The following SLC6A7 variants were observed in gnomAD, a reference collection of about 807,000 sequenced individuals.
SLC6A7 encodes the protein sodium-dependent proline transporter.
A neutral mutation model predicts 73.1 loss-of-function variants in SLC6A7; 58 were observed. The ratio of observed to expected loss-of-function variants is 0.79; its 90% CI spans 0.64 to 0.99. The LOEUF is 0.99. Ranked by LOEUF, SLC6A7 falls within the 50% of genes least tolerant of loss-of-function variation. The pLI, the probability that SLC6A7 is intolerant of heterozygous loss-of-function variation, is 0.00. For missense variants in SLC6A7, 783 were observed against 831.4 expected, an observed-to-expected ratio of 0.94 and a Z score of 0.72; for synonymous variants, 338 against 338.7, an observed-to-expected ratio of 1.00 and a Z score of 0.02.
intron 10 of SLC6A7, 42 bp downstream of exon 10, chr5:150,204,080 G>C: frequency 6.3e-7 from 1 of 1,583,418 alleles, no homozygotes; most frequent in Non-Finnish European, 8.6e-7. Context: ...GGCGGGACAA[G>C]GGCAGACGCC....
chr5:150,200,488 G>A (rs565421784), intron 5 of SLC6A7, among the ~76,000 whole-genome samples: 36 of 152,136 alleles, frequency 2.4e-4, no homozygotes, highest in Non-Finnish European at 4.0e-4. Flanking sequence ...GTGAGACTCC[G>A]TCTCAAAAAA....
intron 6 of SLC6A7, among the ~76,000 whole-genome samples, chr5:150,201,916 G>A (rs886455516): frequency 1.3e-5 from 2 of 152,166 alleles, no homozygotes; most frequent in Non-Finnish European, 1.5e-5. Flanking sequence ...GGGATCCTGC[G>A]GTCCAGAGGG....
chr5:150,204,083 C>T, intron 10 of SLC6A7, 45 bp downstream of exon 10: 1 of 1,574,330 alleles, frequency 6.4e-7, no homozygotes, highest in Non-Finnish European at 8.6e-7. Context: ...GGGACAAGGG[C>T]AGACGCCTGC....
Position 150,201,142 on chromosome 5 carries a change from C to G in SLC6A7, c.777C>G (p.Val259=). The G allele has an allele frequency of 2.5e-6, 4 of 1,613,802 alleles. No individual in the cohort carries two copies. Among genetic ancestry groups the G allele is most frequent in the Non-Finnish European group, 3.4e-6 (4 of 1,179,808 alleles). Residue 259 remains valine (V), a synonymous_variant, in exon 6 of 14, where the codon GTC becomes GTG. Transcript: ENST00000230671. The part of the protein sequence containing the change: ...FPYLILLMLL[V]RGVTLPGAWK... The stretch of plus-strand genomic sequence containing the variant: ...ACCTCATCCTGCTCATGCTGCTGGT[C>G]CGCGGAGTCACCCTCCCAGGGGCCT...
chr5:150,192,968 G>A (rs1048681844), intron 1 of SLC6A7, among the ~76,000 whole-genome samples: 1 of 152,186 alleles, frequency 6.6e-6, no homozygotes, highest in Non-Finnish European at 1.5e-5. Flanking sequence ...CCCAGCTGGA[G>A]AGGCAGCCTC....
chr5:150,209,498 C>T lies in SLC6A7; in HGVS notation c.1794C>T (p.Ser598=). The T allele has an allele frequency of 3.7e-6, 6 of 1,614,140 alleles. No individual in the cohort carries two copies. Among genetic ancestry groups the T allele is most frequent in the Non-Finnish European group, 4.2e-6 (5 of 1,179,992 alleles). Residue 598 remains serine (S), a synonymous_variant, in exon 14 of 14, where the codon AGC becomes AGT. Coordinates refer to ENST00000230671, the MANE Select transcript of SLC6A7 (RefSeq NM_014228.5). ...TGTATGTGGCCACGCTGGCTGGGAG[C>T]CAGTCACCAAAGCCACTGATGGTGC... ...TGMYVATLAG[S]QSPKPLMVHM... is the part of the protein sequence containing the mutation.
In SLC6A7 at chr5:150,204,914, C is replaced by T. The variant is rs2113986133; in HGVS notation, c.1520C>T (p.Pro507Leu). 1 of 1,558,022 alleles carries T rather than the reference C, an allele frequency of 6.4e-7. No homozygotes were observed. Among genetic ancestry groups the T allele is most frequent in the South Asian group, 1.1e-5 (1 of 89,922 alleles). ...YFRACWLFLS[P>L]ATLLALMVYS... ...AGGGCCTGCTGGCTGTTCCTGTCCCCAGCCACGCTCTTGGTAACTGGGGAG... is the reference window on the plus strand; with the variant it reads ...AGGGCCTGCTGGCTGTTCCTGTCCCTAGCCACGCTCTTGGTAACTGGGGAG... Residue 507 changes from proline to leucine, a missense_variant, in exon 12 of 14, where the codon CCA becomes CTA. By Grantham distance (98) the Pro-to-Leu change is moderately conservative. Transcript: ENST00000230671.
intron 13 of SLC6A7, among the ~76,000 whole-genome samples, chr5:150,207,230 G>C (rs928207512): frequency 6.6e-6 from 1 of 151,996 alleles, no homozygotes; most frequent in Non-Finnish European, 1.5e-5. Flanking sequence ...AGTAAGCATA[G>C]TATCCAATAG....
intron 11 of SLC6A7, 82 bp from the exon 12 acceptor site, chr5:150,204,743 TGG>T: frequency 7.6e-7 from 1 of 1,318,874 alleles, no homozygotes; most frequent in Non-Finnish European, 1.1e-6. Context: ...GGGTTTCCAG[TGG>T]GGGCAGCTGG....
chr5:150,197,142 C>T lies in SLC6A7; in HGVS notation c.450C>T (p.Ser150=), dbSNP rs536871384. The T allele has an allele frequency of 4.3e-5, 69 of 1,614,060 alleles. 1 individual carries two copies. The highest frequency in any genetic ancestry group is 2.3e-4 in the African/African-American group (17 of 75,060). The change falls in exon 4 of 14, where the codon AGC becomes AGT. Residue 150 remains serine (S), a synonymous_variant. Transcript: ENST00000230671. ...VLFYLFASLT[S]DLPWEHCGNW... is the part of the protein sequence containing the mutation. ...TCTACCTCTTCGCCTCCCTCACCAG[C>T]GACCTACCCTGGGAGCACTGTGGCA...
intron 13 of SLC6A7, among the ~76,000 whole-genome samples, chr5:150,208,269 G>A (rs1235242320): frequency 6.6e-6 from 1 of 152,176 alleles, no homozygotes; most frequent in Non-Finnish European, 1.5e-5. Context: ...ACCTCTCTGA[G>A]GAGGTGGCAC....
chr5:150,198,827 TGTG>T (rs1753214302), intron 4 of SLC6A7, among the ~76,000 whole-genome samples: 23 of 149,662 alleles, frequency 1.5e-4, no homozygotes, highest in East Asian at 7.8e-4. Flanking sequence ...TGTGTGTGTG[TGTG>T]TGTGTGTGTG....
intron 4 of SLC6A7, among the ~76,000 whole-genome samples, chr5:150,198,095 G>GA (rs1307430425): frequency 1.9e-5 from 2 of 106,650 alleles, no homozygotes; most frequent in Middle Eastern, 4.9e-3. Flanking sequence ...AAGAAAGAAA[G>GA]AAAGAAAGAA....
chr5:150,201,181 G>T lies in SLC6A7; in HGVS notation c.816G>T (p.Gln272His). ...TCCCAGGGGCCTGGAAGGGCATCCAGTTCTATCTCACCCCCCAGTTCCACC... is the reference window on the plus strand; with the variant it reads ...TCCCAGGGGCCTGGAAGGGCATCCATTTCTATCTCACCCCCCAGTTCCACC... ...VTLPGAWKGI[Q>H]FYLTPQFHHL... The change falls in exon 6 of 14, where the codon CAG becomes CAT. Residue 272 changes from glutamine to histidine, a missense_variant. By Grantham distance (24) the Gln-to-His change is conservative. Coordinates refer to ENST00000230671, the MANE Select transcript of SLC6A7 (RefSeq NM_014228.5). 8 of 1,613,700 alleles carry T rather than the reference G, an allele frequency of 5.0e-6. No individual in the cohort carries two copies. The highest frequency in any genetic ancestry group is 1.1e-5 in the South Asian group (1 of 91,032).
chr5:150,205,857 G>A (rs1327663287), intron 13 of SLC6A7, among the ~76,000 whole-genome samples: 2 of 152,092 alleles, frequency 1.3e-5, no homozygotes, highest in African/African-American at 4.8e-5. Flanking sequence ...TGTTAACCAG[G>A]AACTGGCCCC....
At chr5:150,201,773 C>T (rs1316141744) in intron 6 of SLC6A7, among the ~76,000 whole-genome samples, 1 of 152,162 alleles carries the variant, frequency 6.6e-6, no homozygotes, top group Non-Finnish European at 1.5e-5. Context: ...ATGGTACTGA[C>T]AGCTAATGTT....
At position 150,210,093 on chromosome 5, in the gene SLC6A7, C is replaced by G. The variant is rs116239172; in HGVS notation, c.*478C>G. 0.028 allele frequency: 4,946 copies of G among 173,774 alleles called. 87 individuals carry two copies. The highest frequency in any genetic ancestry group is 0.043 in the Non-Finnish European group (3,459 of 79,664). 10.8% of individuals were successfully genotyped at this position (173,774 alleles called of 1,614,324 possible). ...TTGAGTTGGGCAGGGAAGGTCAGGG[C>G]TACAGAGGCTCTTGAGGCTCCGAGG... On this transcript the variant is annotated 3_prime_UTR_variant, in exon 14 of 14. Transcript: ENST00000230671.
chr5:150,203,561 C>A, intron 8 of SLC6A7, 106 bp from the exon 9 acceptor site: 1 of 655,786 alleles, frequency 1.5e-6, no homozygotes. Flanking sequence ...CTGGGTTAGG[C>A]TAAACAAATG....
At chr5:150,193,105 C>T (rs1752859126) in intron 1 of SLC6A7, among the ~76,000 whole-genome samples, 1 of 152,244 alleles carries the variant, frequency 6.6e-6, no homozygotes, top group African/African-American at 2.4e-5. Context: ...TCACCCCTTG[C>T]AGCCTAGTTA....
Sources: allele counts gnomAD v4.1 joint callset (sites outside exome capture counted in the v4.1 genomes callset), GRCh38; gene constraint gnomAD v4.1.1; transcripts MANE v1.5; gene names NCBI Gene and HGNC (gene_info 2026-07-23, HGNC 2026-07-21).